The following SLC18B1 variants were observed in gnomAD, a reference collection of about 807,000 sequenced individuals.
The protein encoded by SLC18B1 is solute carrier family 18 member B1.
In SLC18B1, 62 loss-of-function variants were observed where a neutral mutation model predicts 53.9. That is an observed-to-expected ratio of 1.15 (90% CI 0.94 to 1.42). The LOEUF is 1.42. Ranked by LOEUF, SLC18B1 falls within the 40% of genes most tolerant of loss-of-function variation. The pLI, the probability that SLC18B1 is intolerant of heterozygous loss-of-function variation, is 0.00. For synonymous variants in SLC18B1, 217 were observed against 200.9 expected, an observed-to-expected ratio of 1.08 and a Z score of -0.68; for missense variants, 598 against 547.3, an observed-to-expected ratio of 1.09 and a Z score of -0.93.
In SLC18B1 at chr6:132,778,257, C is replaced by T. The variant is rs1167331219; in HGVS notation, c.795+1011G>A. ...TTGCTCCAGGTCATCTGGATGTATA[C>T]GTGCAGGTCACAGGGGTTATGATGG... On this transcript the variant is annotated intron_variant, in intron 7 of 13. Coordinates refer to ENST00000275227, the MANE Select transcript of SLC18B1 (RefSeq NM_052831.3). 2.6e-5 allele frequency among the ~76,000 whole-genome samples: 4 copies of T among 152,070 alleles called. 1 individual carries two copies. Among genetic ancestry groups the T allele is most frequent in the South Asian group, 4.1e-4 (2 of 4,824 alleles).
intron 7 of SLC18B1, among the ~76,000 whole-genome samples, chr6:132,776,925 A>G (rs1486164619): frequency 6.6e-6 from 1 of 152,182 alleles, no homozygotes; most frequent in Non-Finnish European, 1.5e-5. Flanking sequence ...GAGAGAGTCA[A>G]GGTCTGATGT....
intron 2 of SLC18B1, among the ~76,000 whole-genome samples, chr6:132,790,924 A>G (rs1222508213): frequency 3.3e-5 from 5 of 152,196 alleles, no homozygotes. Context: ...TTTATAGCCT[A>G]TTCTATCAGG....
chr6:132,785,888 C>A (rs1781355293), intron 5 of SLC18B1, among the ~76,000 whole-genome samples: 1 of 100,798 alleles, frequency 9.9e-6, no homozygotes, highest in Non-Finnish European at 1.9e-5. Context: ...CAGCAAGACC[C>A]TGTCTCTACA....
chr6:132,787,274 T>G (rs1297767846), intron 5 of SLC18B1, among the ~76,000 whole-genome samples, 160 bp downstream of exon 5: 1 of 152,212 alleles, frequency 6.6e-6, no homozygotes, highest in East Asian at 1.9e-4. Flanking sequence ...TTACATTTAT[T>G]GACAGGCTTG....
chr6:132,797,924 A>G (rs897247450), intron 1 of SLC18B1, among the ~76,000 whole-genome samples: 10 of 152,224 alleles, frequency 6.6e-5, no homozygotes, highest in African/African-American at 2.2e-4. Flanking sequence ...TTATAAATTA[A>G]ATTGTTTTTA....
In SLC18B1 at chr6:132,798,399, G is replaced by C; in HGVS notation, c.43+15C>G. 1 of 1,519,968 alleles carries C rather than the reference G, an allele frequency of 6.6e-7. No homozygotes were observed. The highest frequency in any genetic ancestry group is 8.8e-7 in the Non-Finnish European group (1 of 1,131,220). The allele number at this position is 1,519,968 out of a possible 1,614,324, so 94.2% of individuals were successfully genotyped here. ...CGCTGGTCTCCGGGCTCCCGGCCAC[G>C]CAATTCATGGTCACCTCCTGGTGCG... On this transcript the variant is annotated intron_variant, in intron 1 of 13. Transcript: ENST00000275227.
intron 8 of SLC18B1, among the ~76,000 whole-genome samples, chr6:132,775,829 C>A (rs942591804): frequency 6.6e-6 from 1 of 152,212 alleles, no homozygotes; most frequent in Non-Finnish European, 1.5e-5. Context: ...TTGATCAAGT[C>A]CACAGTAGCC....
chr6:132,783,740 C>A (rs1370019734), intron 6 of SLC18B1, among the ~76,000 whole-genome samples, 193 bp downstream of exon 6: 1 of 152,166 alleles, frequency 6.6e-6, no homozygotes, highest in East Asian at 1.9e-4. Context: ...TATTTGCTAG[C>A]TCTAAAGGTT....
rs530000608 is a variant in SLC18B1, at chr6:132,794,182, C to T, written c.183+2800G>A. Among the ~76,000 whole-genome samples the T allele has an allele frequency of 2.6e-5, 4 of 151,146 alleles. No individual in the cohort carries two copies. In the East Asian group the frequency reaches 7.8e-4, roughly 30 times the overall value. On this transcript the variant is annotated intron_variant, in intron 2 of 13. Coordinates refer to ENST00000275227, the MANE Select transcript of SLC18B1 (RefSeq NM_052831.3). ...GCAGTGGGGCGATCTCGGCTCACTG[C>T]AACCTCCACCTCCTGGGTTCAAGCA... is the stretch of plus-strand genomic sequence containing the variant.
In SLC18B1 at chr6:132,798,620, A is replaced by AGAGTCCTGG; in HGVS notation, c.-165_-164insCCAGGACTC. 1 of 654,528 alleles carries AGAGTCCTGG rather than the reference A, an allele frequency of 1.5e-6. No individual in the cohort carries two copies. The highest frequency in any genetic ancestry group is 2.3e-6 in the Non-Finnish European group (1 of 441,108). 40.5% of individuals were successfully genotyped at this position (654,528 alleles called of 1,614,324 possible). ...CGATCCGCCCGGCCCGGAGCTCCCCAAAGCCTTCCAGGACTCTGGGTCCCC... is the reference window on the plus strand; with the variant it reads ...CGATCCGCCCGGCCCGGAGCTCCCCAGAGTCCTGGAAGCCTTCCAGGACTCTGGGTCCCC... On this transcript the variant is annotated 5_prime_UTR_variant, in exon 1 of 14. Coordinates refer to ENST00000275227, the MANE Select transcript of SLC18B1 (RefSeq NM_052831.3).
intron 2 of SLC18B1, among the ~76,000 whole-genome samples, chr6:132,796,158 C>G (rs1273853366): frequency 6.7e-6 from 1 of 150,154 alleles, no homozygotes; most frequent in Non-Finnish European, 1.5e-5. Context: ...ACCATCCTGG[C>G]TAACACGGTG....
intron 8 of SLC18B1, among the ~76,000 whole-genome samples, chr6:132,774,590 A>T (rs777009487): frequency 1.3e-5 from 2 of 152,172 alleles, no homozygotes; most frequent in African/African-American, 4.8e-5. Flanking sequence ...TATTACAAAT[A>T]TAACAACGAA....
At chr6:132,788,843 A>AAC (rs1554222803) in intron 4 of SLC18B1, among the ~76,000 whole-genome samples, 2 of 149,978 alleles carry the variant, frequency 1.3e-5, no homozygotes, top group Non-Finnish European at 3.0e-5. Flanking sequence ...AAAAAAAAAA[A>AAC]AACATGTAGA....
chr6:132,785,398 A>T (rs190657900), intron 5 of SLC18B1, among the ~76,000 whole-genome samples: 6 of 152,378 alleles, frequency 3.9e-5, no homozygotes, highest in Admixed American at 2.0e-4. Context: ...AGGGTTTACC[A>T]CTATAGATAT....
At chr6:132,782,726 AT>A (rs1413136350) in intron 6 of SLC18B1, among the ~76,000 whole-genome samples, 1 of 152,136 alleles carries the variant, frequency 6.6e-6, no homozygotes, top group Non-Finnish European at 1.5e-5. Context: ...AATTTTTAAA[AT>A]TTATTTGATT....
chr6:132,779,427 G>GAA, intron 6 of SLC18B1, 23 bp from the exon 7 acceptor site: 6 of 1,432,676 alleles, frequency 4.2e-6, no homozygotes, highest in African/African-American at 2.9e-5. Context: ...AATGAAAAAA[G>GAA]AAAAAAAAAA....
At position 132,775,833 on chromosome 6, in the gene SLC18B1, A is replaced by C. The variant is rs116289896; in HGVS notation, c.897+495T>G. ...AATCTCTCAATTTGATCAAGTCCAC[A>C]GTAGCCTCTAGGACTTTGCCCTATT... On this transcript the variant is annotated intron_variant, in intron 8 of 13. Coordinates refer to ENST00000275227, the MANE Select transcript of SLC18B1 (RefSeq NM_052831.3). 6.4e-3 allele frequency among the ~76,000 whole-genome samples: 976 copies of C among 152,356 alleles called. 13 individuals are homozygous for C. The highest frequency in any genetic ancestry group is 0.023 in the African/African-American group (942 of 41,592).
At chr6:132,773,441 G>A (rs937411642) in intron 9 of SLC18B1, among the ~76,000 whole-genome samples, 4 of 152,102 alleles carry the variant, frequency 2.6e-5, no homozygotes, top group Admixed American at 1.3e-4. Flanking sequence ...TCAATCACTC[G>A]GCTTTGAACT....
At chr6:132,772,229 A>C (rs750242352) in intron 10 of SLC18B1, 23 bp from the exon 11 acceptor site, 10 of 1,459,746 alleles carry the variant, frequency 6.9e-6, no homozygotes, top group Non-Finnish European at 9.2e-6. Flanking sequence ...ACATGAGTGT[A>C]TCCATTATTA....
Sources: allele counts gnomAD v4.1 joint callset (sites outside exome capture counted in the v4.1 genomes callset), GRCh38; gene constraint gnomAD v4.1.1; transcripts MANE v1.5; gene names NCBI Gene and HGNC (gene_info 2026-07-23, HGNC 2026-07-21).